Variants in FHIT observed in about 807,000 individuals in gnomAD.
FHIT encodes bis(5'-adenosyl)-triphosphatase.
In FHIT, 19 loss-of-function variants were observed where a neutral mutation model predicts 17.9. That is an observed-to-expected ratio of 1.06 (90% confidence interval 0.74 to 1.56). The LOEUF is 1.56. Ranked by LOEUF, FHIT falls within the 40% of genes most tolerant of loss-of-function variation. The pLI, the probability that FHIT is intolerant of heterozygous loss-of-function variation, is 0.00. For missense variants in FHIT, 248 were observed against 189.2 expected (o/e 1.31, Z -1.82); for synonymous variants, 81 against 69.7 (o/e 1.16, Z -0.81).
At chr3:61,208,324 A>G (rs1461074913) in intron 1 of FHIT, among the ~76,000 whole-genome samples, 2 of 152,060 alleles carry the variant, frequency 1.3e-5, no homozygotes, top group African/African-American at 4.8e-5. Context: ...CTAGATGTCT[A>G]TTAGGTCCGC....
At chr3:61,034,674 A>G (rs2033159092) in intron 3 of FHIT, among the ~76,000 whole-genome samples, 1 of 152,170 alleles carries the variant, frequency 6.6e-6, no homozygotes, top group Non-Finnish European at 1.5e-5. Flanking sequence ...CTCTCCAACA[A>G]TGCTGGTGGG....
At chr3:59,897,714 T>A (rs1304133318) in intron 8 of FHIT, among the ~76,000 whole-genome samples, 1 of 151,134 alleles carries the variant, frequency 6.6e-6, no homozygotes, top group Non-Finnish European at 1.5e-5. Flanking sequence ...AGCTTGAGCA[T>A]CCCTAATCTG....
intron 5 of FHIT, among the ~76,000 whole-genome samples, chr3:60,175,473 A>G (rs1701627407): frequency 6.6e-6 from 1 of 152,188 alleles, no homozygotes; most frequent in South Asian, 2.1e-4. Flanking sequence ...CTTGGAAGAC[A>G]AAAGATATAG....
intron 4 of FHIT, among the ~76,000 whole-genome samples, chr3:60,581,065 A>G: frequency 6.6e-6 from 1 of 152,194 alleles, no homozygotes; most frequent in South Asian, 2.1e-4. Context: ...CACAAGAAGC[A>G]AGGCAAAGTC....
At chr3:60,876,565 G>A (rs1704664979) in intron 3 of FHIT, among the ~76,000 whole-genome samples, 1 of 152,172 alleles carries the variant, frequency 6.6e-6, no homozygotes, top group Non-Finnish European at 1.5e-5. Context: ...TGTTAAATGT[G>A]TAAAGTTATT....
At chr3:60,156,834 TG>T (rs1700719652) in intron 5 of FHIT, among the ~76,000 whole-genome samples, 1 of 152,176 alleles carries the variant, frequency 6.6e-6, no homozygotes, top group South Asian at 2.1e-4. Context: ...TTTGATCTAA[TG>T]TATGAATTGT....
chr3:61,073,258 G>T (rs1427840268), intron 2 of FHIT, among the ~76,000 whole-genome samples: 1 of 152,160 alleles, frequency 6.6e-6, no homozygotes, highest in Non-Finnish European at 1.5e-5. Context: ...TGTATGCATG[G>T]ACTACCTTAA....
chr3:60,422,487 G>T (rs1174539788), intron 5 of FHIT, among the ~76,000 whole-genome samples: 2 of 152,036 alleles, frequency 1.3e-5, no homozygotes, highest in Admixed American at 6.6e-5. Context: ...TACCTAAAAA[G>T]AATCAATATT....
intron 7 of FHIT, among the ~76,000 whole-genome samples, chr3:59,960,729 T>A (rs1707633971): frequency 6.6e-6 from 1 of 152,250 alleles, no homozygotes; most frequent in African/African-American, 2.4e-5. Context: ...GCATCTTTCT[T>A]CCTCTTGCGT....
intron 3 of FHIT, among the ~76,000 whole-genome samples, chr3:60,873,726 T>A (rs1402157652): frequency 6.6e-6 from 1 of 152,240 alleles, no homozygotes; most frequent in Non-Finnish European, 1.5e-5. Context: ...GAACAAGCAC[T>A]GTTTAAAATT....
intron 4 of FHIT, among the ~76,000 whole-genome samples, chr3:60,628,536 T>G (rs1304647909): frequency 6.6e-6 from 1 of 152,188 alleles, no homozygotes; most frequent in Non-Finnish European, 1.5e-5. Context: ...AGGCATAAAT[T>G]TCTCCACAGT....
intron 5 of FHIT, among the ~76,000 whole-genome samples, chr3:60,054,284 A>C (rs987705974): frequency 1.1e-4 from 17 of 152,238 alleles, no homozygotes; most frequent in African/African-American, 4.1e-4. Flanking sequence ...CAGAGTGTAA[A>C]ACTATTTTCA....
At chr3:60,078,109 G>T (rs561201779) in intron 5 of FHIT, among the ~76,000 whole-genome samples, 12 of 152,098 alleles carry the variant, frequency 7.9e-5, no homozygotes, top group African/African-American at 2.4e-4. Flanking sequence ...ACTGTTTCAG[G>T]TAAGAATCAG....
chr3:61,220,277 G>A (rs373630676), intron 1 of FHIT, among the ~76,000 whole-genome samples: 3 of 152,170 alleles, frequency 2.0e-5, no homozygotes, highest in Non-Finnish European at 4.4e-5. Context: ...CCTGCATATC[G>A]GTGAAAACCA....
rs150931768 is a variant in FHIT, at chr3:60,411,121, T to C, written c.103+125739A>G. Among the ~76,000 whole-genome samples, 6 of 152,308 alleles carry C rather than the reference T, an allele frequency of 3.9e-5. No homozygotes were observed. The East Asian group carries it at 1.2e-3, about 29-fold the overall frequency. On this transcript the variant is annotated intron_variant, in intron 5 of 9. Coordinates refer to ENST00000492590, the MANE Select transcript of FHIT (RefSeq NM_002012.4). Reference sequence around the variant, plus strand: ...TAAATACACATAAAGGATTTCTGTCTGCACCATCATAGAACGATCTAAGAT... The same window carrying C: ...TAAATACACATAAAGGATTTCTGTCCGCACCATCATAGAACGATCTAAGAT...
At chr3:61,125,061 T>G (rs1050759786) in intron 2 of FHIT, among the ~76,000 whole-genome samples, 5 of 152,196 alleles carry the variant, frequency 3.3e-5, no homozygotes, top group African/African-American at 1.2e-4. Flanking sequence ...TTATTTAATG[T>G]AAATACAGTG....
chr3:60,108,088 A>C (rs1408221088), intron 5 of FHIT, among the ~76,000 whole-genome samples: 1 of 152,216 alleles, frequency 6.6e-6, no homozygotes, highest in African/African-American at 2.4e-5. Flanking sequence ...TGGTCAACTT[A>C]ATCCAATACA....
chr3:60,683,184 C>T (rs1553697365), intron 4 of FHIT, among the ~76,000 whole-genome samples: 1 of 152,110 alleles, frequency 6.6e-6, no homozygotes, highest in East Asian at 1.9e-4. Flanking sequence ...GAAATGACAA[C>T]AAAAGCTTTA....
intron 5 of FHIT, among the ~76,000 whole-genome samples, chr3:60,378,400 T>C (rs2736825): frequency 0.065 from 9,877 of 152,236 alleles, 1,107 homozygotes; most frequent in African/African-American, 0.22. Flanking sequence ...TTCCTGGTTT[T>C]TCAGGAGGCA....
Sources: allele counts gnomAD v4.1 joint callset (sites outside exome capture counted in the v4.1 genomes callset), GRCh38; gene constraint gnomAD v4.1.1; transcripts MANE v1.5; gene names NCBI Gene and HGNC (gene_info 2026-07-23, HGNC 2026-07-21).